POU6F2: variants seen among roughly 807,000 people sequenced by gnomAD.
POU6F2 encodes POU domain, class 6, transcription factor 2.
A neutral mutation model predicts 71.3 loss-of-function variants in POU6F2; 31 were observed. The ratio of observed to expected loss-of-function variants is 0.43; its 90% CI spans 0.33 to 0.59. POU6F2 has a LOEUF of 0.59. Among genes scored for constraint, POU6F2 ranks in the 20% least tolerant of loss-of-function variants. POU6F2 has a pLI of 0.04. For synonymous variants in POU6F2, 347 were observed against 355.7 expected, an observed-to-expected ratio of 0.98 and a Z score of 0.27; for missense variants, 783 against 856.8, an observed-to-expected ratio of 0.91 and a Z score of 1.07.
chr7:39,393,574 G>C (rs1261392715), intron 5 of POU6F2, among the ~76,000 whole-genome samples: 1 of 152,178 alleles, frequency 6.6e-6, no homozygotes, highest in Non-Finnish European at 1.5e-5. Flanking sequence ...GTGAATTCAA[G>C]AGGGTAGATG....
intron 2 of POU6F2, among the ~76,000 whole-genome samples, chr7:39,203,121 C>T (rs908596674): frequency 6.6e-6 from 1 of 152,140 alleles, no homozygotes; most frequent in Non-Finnish European, 1.5e-5. Flanking sequence ...TATTTTCCCC[C>T]ATTTCCATTA....
At chr7:39,094,243 G>C (rs1342664221) in intron 2 of POU6F2, among the ~76,000 whole-genome samples, 1 of 152,066 alleles carries the variant, frequency 6.6e-6, no homozygotes, top group Non-Finnish European at 1.5e-5. Flanking sequence ...GTTTAATTCA[G>C]TAAAGAAATC....
At chr7:39,091,173 G>C (rs547338255) in intron 2 of POU6F2, among the ~76,000 whole-genome samples, 1 of 152,220 alleles carries the variant, frequency 6.6e-6, no homozygotes, top group East Asian at 1.9e-4. Flanking sequence ...TAAATCCATA[G>C]AGAGAGGCAC....
chr7:39,300,508 G>A (rs1340887990), intron 4 of POU6F2, among the ~76,000 whole-genome samples: 3 of 152,138 alleles, frequency 2.0e-5, no homozygotes, highest in East Asian at 1.9e-4. Context: ...TAGTTGGCTC[G>A]GGCTGCTGTA....
chr7:39,006,854 G>A (rs752300326), intron 1 of POU6F2: 23 of 1,613,634 alleles, frequency 1.4e-5, no homozygotes, highest in East Asian at 8.9e-5. Flanking sequence ...TGGCAAATGA[G>A]TGCTCTTCTT....
At chr7:39,050,189 C>G (rs1790376191) in intron 1 of POU6F2, among the ~76,000 whole-genome samples, 1 of 151,914 alleles carries the variant, frequency 6.6e-6, no homozygotes, top group Admixed American at 6.6e-5. Context: ...TTTCCCCCAA[C>G]CCCCTTGCCA....
Position 39,465,149 on chromosome 7 carries a change from A to T in POU6F2, c.*463A>T, listed in dbSNP as rs1177845012. ...TGTTCAAAGCGAATACAAGCCTGCC[A>T]CCTGGAGGAAGGACTGCACCCCTTC... On this transcript the variant is annotated 3_prime_UTR_variant, in exon 10 of 10. Coordinates refer to ENST00000518318, the MANE Select transcript of POU6F2 (RefSeq NM_001370959.1). The T allele has an allele frequency of 6.4e-6, 1 of 156,502 alleles. No homozygotes were observed. The highest frequency in any genetic ancestry group is 1.4e-5 in the Non-Finnish European group (1 of 70,646). The allele number at this position is 156,502 out of a possible 1,614,324, so 9.7% of individuals were successfully genotyped here.
chr7:39,130,966 G>A (rs1792264267), intron 2 of POU6F2, among the ~76,000 whole-genome samples: 1 of 152,220 alleles, frequency 6.6e-6, no homozygotes, highest in African/African-American at 2.4e-5. Flanking sequence ...TGAACCCAGC[G>A]CTGAACCACT....
intron 1 of POU6F2, among the ~76,000 whole-genome samples, chr7:39,024,404 G>T (rs1263184503): frequency 6.6e-6 from 1 of 151,834 alleles, no homozygotes; most frequent in Non-Finnish European, 1.5e-5. Context: ...GGAGATTTTG[G>T]GCTGAGACGA....
rs773995817 is a variant in POU6F2 at position 39,085,985 on chromosome 7, G to A, written c.231G>A (p.Ala77=). ...GCGAGCTGAATGAGCCCCTGCTTGC[G>A]CCTGTGGAATCAAATGACAGCGAGG... ...SDSELNEPLL[A]PVESNDSEDT... is the part of the protein sequence containing the mutation. Residue 77 remains alanine, a synonymous_variant, in exon 2 of 10, where the codon GCG becomes GCA. Transcript: ENST00000518318. 5 of 1,613,708 alleles carry A rather than the reference G, an allele frequency of 3.1e-6. No homozygotes were observed. Among genetic ancestry groups the A allele is most frequent in the Non-Finnish European group, 4.2e-6 (5 of 1,179,802 alleles).
chr7:39,139,819 G>A (rs1470506373), intron 2 of POU6F2, among the ~76,000 whole-genome samples: 1 of 152,172 alleles, frequency 6.6e-6, no homozygotes, highest in Non-Finnish European at 1.5e-5. Flanking sequence ...TTTGCAGATT[G>A]ATCCTCCTGG....
At chr7:39,422,281 T>A (rs1215276666) in intron 6 of POU6F2, among the ~76,000 whole-genome samples, 1 of 152,210 alleles carries the variant, frequency 6.6e-6, no homozygotes, top group Non-Finnish European at 1.5e-5. Flanking sequence ...AATTGAAGCA[T>A]TAGATCATAT....
At chr7:39,410,322 T>C (rs996983457) in intron 6 of POU6F2, among the ~76,000 whole-genome samples, 12 of 152,174 alleles carry the variant, frequency 7.9e-5, no homozygotes, top group East Asian at 1.9e-4. Context: ...AATAAATAAA[T>C]AAAATCATAA....
chr7:39,096,825 C>T (rs755281667), intron 2 of POU6F2, among the ~76,000 whole-genome samples: 1 of 152,116 alleles, frequency 6.6e-6, no homozygotes, highest in Non-Finnish European at 1.5e-5. Flanking sequence ...TATGTTTGAA[C>T]GTTTAGCAAG....
chr7:39,420,788 G>A lies in POU6F2; in HGVS notation c.1114-12289G>A, dbSNP rs140803904. 1.4e-4 allele frequency among the ~76,000 whole-genome samples: 22 copies of A among 152,246 alleles called. 1 individual carries two copies. The highest frequency in any genetic ancestry group is 4.1e-4 in the African/African-American group (17 of 41,556). On this transcript the variant is annotated intron_variant, in intron 6 of 9. Transcript: ENST00000518318. Reference sequence around the variant, plus strand: ...ATGAATGATATCATCTGGCAAGGCTGTGAGACATGTTCCTGACAAGGCTGT... The same window carrying A: ...ATGAATGATATCATCTGGCAAGGCTATGAGACATGTTCCTGACAAGGCTGT...
chr7:39,312,667 T>G (rs6971051), intron 4 of POU6F2, among the ~76,000 whole-genome samples: 106,128 of 152,054 alleles, frequency 0.7, 37,085 homozygotes, highest in Admixed American at 0.77. Flanking sequence ...CTTTGGCAAA[T>G]GTGAATGGCC....
At chr7:38,988,660 A>G (rs1393513837) in intron 1 of POU6F2, among the ~76,000 whole-genome samples, 1 of 152,156 alleles carries the variant, frequency 6.6e-6, no homozygotes, top group Non-Finnish European at 1.5e-5. Flanking sequence ...TTGCTGGTAT[A>G]ATTTAATCCT....
intron 4 of POU6F2, among the ~76,000 whole-genome samples, chr7:39,334,624 T>A (rs990040286): frequency 2.0e-4 from 31 of 152,120 alleles, no homozygotes; most frequent in Non-Finnish European, 2.9e-4. Context: ...TTGCAAAACT[T>A]CCATCTGCGG....
At chr7:39,154,626 C>T (rs1322973934) in intron 2 of POU6F2, among the ~76,000 whole-genome samples, 1 of 152,158 alleles carries the variant, frequency 6.6e-6, no homozygotes, top group East Asian at 1.9e-4. Context: ...GCAGGTAGAA[C>T]CACTTTCTAG....
Sources: allele counts gnomAD v4.1 joint callset (sites outside exome capture counted in the v4.1 genomes callset), GRCh38; gene constraint gnomAD v4.1.1; transcripts MANE v1.5; gene names NCBI Gene and HGNC (gene_info 2026-07-23, HGNC 2026-07-21).